Variants in GALNT18 observed in about 807,000 individuals in gnomAD.
The protein encoded by GALNT18 is polypeptide N-acetylgalactosaminyltransferase 18.
GALNT18 carries 44 observed loss-of-function variants against 69.5 expected under a neutral mutation model. That is an observed-to-expected ratio of 0.63 (90% CI 0.50 to 0.81). The LOEUF is 0.81. Ranked by LOEUF, GALNT18 falls within the 40% of genes least tolerant of loss-of-function variation. The pLI is 0.00. For synonymous variants in GALNT18, 364 were observed against 318.2 expected, an observed-to-expected ratio of 1.14 and a Z score of -1.53; for missense variants, 715 against 810.0, an observed-to-expected ratio of 0.88 and a Z score of 1.42.
rs145344444 is a variant in GALNT18, at chr11:11,539,219, C to T, written c.235+82140G>A. ...TCTCAAGGGCCCGGTGCCAGTAAGG[C>T]GCCCTTCCCAGCACCCACACCTCTG... On this transcript the variant is annotated intron_variant, in intron 1 of 10. Transcript: ENST00000227756. Among the ~76,000 whole-genome samples the T allele has an allele frequency of 5.1e-3, 774 of 152,294 alleles. 13 individuals are homozygous for T. Among genetic ancestry groups the T allele is most frequent in the African/African-American group, 0.018 (748 of 41,570 alleles).
rs149455027 is a variant in GALNT18, at chr11:11,454,862, G to A, written c.236-5926C>T. On this transcript the variant is annotated intron_variant, in intron 1 of 10. Transcript: ENST00000227756. The surrounding 1 kb of genome is among the most constrained non-coding windows in gnomAD (Gnocchi z 4.2). ...TCCTCACCATCAAGCCCTGAGGGGA[G>A]GATTCCCTCCAGAGGACACTAATCA... Among the ~76,000 whole-genome samples, 12 of 152,308 alleles carry A rather than the reference G, an allele frequency of 7.9e-5. No individual in the cohort carries two copies. The East Asian group carries it at 1.7e-3, about 22-fold the overall frequency.
At chr11:11,278,245 A>G (rs534459339) in intron 10 of GALNT18, among the ~76,000 whole-genome samples, 69 of 152,122 alleles carry the variant, frequency 4.5e-4, no homozygotes, top group African/African-American at 1.7e-3. Context: ...AATGTTAGAC[A>G]GATCAATGAG....
intron 3 of GALNT18, among the ~76,000 whole-genome samples, chr11:11,399,199 G>A (rs1271995436): frequency 6.6e-6 from 1 of 152,146 alleles, no homozygotes; most frequent in Non-Finnish European, 1.5e-5. Flanking sequence ...GTAAAGATAT[G>A]AGAAGGGGCT....
chr11:11,383,171 C>G lies in GALNT18; in HGVS notation c.596-3907G>C, dbSNP rs80081236. Reference sequence around the variant, plus strand: ...ACATCCCCACGGGGAGCCTCCTCTCCGGGCCTGCTCAGGGCAGGCTGCTTG... The same window carrying G: ...ACATCCCCACGGGGAGCCTCCTCTCGGGGCCTGCTCAGGGCAGGCTGCTTG... On this transcript the variant is annotated intron_variant, in intron 3 of 10. Transcript: ENST00000227756. The surrounding 1 kb of genome is among the most constrained non-coding windows in gnomAD (Gnocchi z 5.2). Among the ~76,000 whole-genome samples, 748 of 152,234 alleles carry G rather than the reference C, an allele frequency of 4.9e-3. 5 individuals carry two copies. Among genetic ancestry groups the G allele is most frequent in the African/African-American group, 0.017 (713 of 41,550 alleles).
At chr11:11,512,348 C>T (rs374999669) in intron 1 of GALNT18, among the ~76,000 whole-genome samples, 9 of 152,184 alleles carry the variant, frequency 5.9e-5, no homozygotes, top group Non-Finnish European at 1.3e-4. Flanking sequence ...GACCCAGATC[C>T]GCCAGGAGGA....
rs1206727868 is a variant in GALNT18, at chr11:11,598,337, A to G, written c.235+23022T>C. On this transcript the variant is annotated intron_variant, in intron 1 of 10. Transcript: ENST00000227756. This position sits in a 1 kb window ranked among gnomAD's most constrained non-coding sequence, Gnocchi z 4.8. ...AGAAGTCCAAAATTAGTCTTACTCG[A>G]GGCAAAATCAAGGTGTCAGCAGGGC... Among the ~76,000 whole-genome samples the G allele has an allele frequency of 6.6e-6, 1 of 152,324 alleles. No individual in the cohort carries two copies. Among genetic ancestry groups the G allele is most frequent in the East Asian group, 1.9e-4 (1 of 5,182 alleles).
At chr11:11,286,209 G>C (rs1849189698) in intron 10 of GALNT18, among the ~76,000 whole-genome samples, 1 of 152,168 alleles carries the variant, frequency 6.6e-6, no homozygotes, top group Non-Finnish European at 1.5e-5. Flanking sequence ...GATTTCATCA[G>C]ATCCTCCTGT....
At chr11:11,333,018 C>T (rs376562780) in intron 7 of GALNT18, among the ~76,000 whole-genome samples, 187 bp from the exon 8 acceptor site, 2 of 150,548 alleles carry the variant, frequency 1.3e-5, no homozygotes, top group African/African-American at 4.9e-5. Flanking sequence ...ATTTAGACTA[C>T]GAAACACGAG....
intron 1 of GALNT18, among the ~76,000 whole-genome samples, chr11:11,464,519 T>C (rs1367821109): frequency 6.6e-6 from 1 of 152,114 alleles, no homozygotes; most frequent in Non-Finnish European, 1.5e-5. Context: ...GGTGGGTGGT[T>C]CAGAAAGAAG....
intron 1 of GALNT18, among the ~76,000 whole-genome samples, chr11:11,556,884 T>C (rs771643993): frequency 1.3e-5 from 2 of 152,242 alleles, no homozygotes; most frequent in Non-Finnish European, 2.9e-5. Context: ...GTACAGATCC[T>C]ATTACTAGAA....
chr11:11,318,156 T>G lies in GALNT18; in HGVS notation c.1512+8930A>C, dbSNP rs934870997. On this transcript the variant is annotated intron_variant, in intron 9 of 10. Transcript: ENST00000227756. The surrounding 1 kb of genome is among the most constrained non-coding windows in gnomAD (Gnocchi z 5.1). ...AGAGGAAGTGATGGGAGACCCTTTTTGGCCTAGAAAGTGAGAGTCAGGTTT... is the reference window on the plus strand; with the variant it reads ...AGAGGAAGTGATGGGAGACCCTTTTGGGCCTAGAAAGTGAGAGTCAGGTTT... 6.6e-6 allele frequency among the ~76,000 whole-genome samples: 1 copy of G among 152,194 alleles called. No homozygotes were observed. Among genetic ancestry groups the G allele is most frequent in the East Asian group, 1.9e-4 (1 of 5,194 alleles).
chr11:11,416,089 C>A (rs1854850345), intron 3 of GALNT18, among the ~76,000 whole-genome samples: 1 of 152,196 alleles, frequency 6.6e-6, no homozygotes, highest in Non-Finnish European at 1.5e-5. Context: ...TGAAATTTGA[C>A]AACACAGACA....
chr11:11,506,630 G>A (rs968297017), intron 1 of GALNT18, among the ~76,000 whole-genome samples: 1 of 152,188 alleles, frequency 6.6e-6, no homozygotes, highest in Non-Finnish European at 1.5e-5. Context: ...AGAAAGTGGG[G>A]TATTTGTCTT....
intron 10 of GALNT18, among the ~76,000 whole-genome samples, chr11:11,286,208 A>C (rs551551977): frequency 6.6e-6 from 1 of 152,364 alleles, no homozygotes; most frequent in East Asian, 1.9e-4. Context: ...AGATTTCATC[A>C]GATCCTCCTG....
At chr11:11,274,315 G>C (rs1012044945) in intron 10 of GALNT18, among the ~76,000 whole-genome samples, 3 of 152,286 alleles carry the variant, frequency 2.0e-5, no homozygotes, top group Non-Finnish European at 4.4e-5. Context: ...CAATACCCCA[G>C]TGGCACCAGG....
chr11:11,537,512 G>T (rs1211916772), intron 1 of GALNT18, among the ~76,000 whole-genome samples: 1 of 152,168 alleles, frequency 6.6e-6, no homozygotes, highest in African/African-American at 2.4e-5. Context: ...ATATGTCCGT[G>T]TGTCTCCAGG....
At chr11:11,272,877 C>T (rs1233237449) in intron 10 of GALNT18, among the ~76,000 whole-genome samples, 3 of 152,154 alleles carry the variant, frequency 2.0e-5, no homozygotes, top group Admixed American at 6.5e-5. Flanking sequence ...TCCAAGTCTG[C>T]CATGACCATT....
intron 1 of GALNT18, among the ~76,000 whole-genome samples, chr11:11,610,564 T>C (rs1859870559): frequency 6.6e-6 from 1 of 152,214 alleles, no homozygotes; most frequent in Admixed American, 6.5e-5. Flanking sequence ...CATTCTTGAT[T>C]GATTGATCTC....
At chr11:11,378,162 T>C (rs1216506503) in intron 4 of GALNT18, among the ~76,000 whole-genome samples, 1 of 152,224 alleles carries the variant, frequency 6.6e-6, no homozygotes. Context: ...ATGGCTGTGT[T>C]GCAGCCTTCA....
Sources: allele counts gnomAD v4.1 joint callset (sites outside exome capture counted in the v4.1 genomes callset), GRCh38; gene constraint gnomAD v4.1.1; non-coding constraint Gnocchi (gnomAD v3.1); transcripts MANE v1.5; gene names NCBI Gene and HGNC (gene_info 2026-07-23, HGNC 2026-07-21).